Variants in GRM5 observed in about 807,000 individuals in gnomAD.
GRM5 encodes metabotropic glutamate receptor 5.
GRM5 carries 19 observed loss-of-function variants against 83.1 expected under a neutral mutation model. The observed-to-expected ratio is 0.23, with a 90% CI of 0.16 to 0.34. The LOEUF is 0.34. Ranked by LOEUF, GRM5 falls within the 10% of genes least tolerant of loss-of-function variation. The probability of loss-of-function intolerance (pLI) is 1.00; values close to 1 mark genes in which losing one functional copy is unlikely to be tolerated. For synonymous variants in GRM5, 675 were observed against 633.6 expected (o/e 1.07, Z -0.98); for missense variants, 1,160 against 1,588.3 (o/e 0.73, Z 4.58).
intron 5 of GRM5, among the ~76,000 whole-genome samples, chr11:88,598,909 G>C (rs1476751836): frequency 6.6e-6 from 1 of 152,196 alleles, no homozygotes; most frequent in South Asian, 2.1e-4. Flanking sequence ...AGTTCACACT[G>C]TTAATTTTAC....
rs564102571 is a variant in GRM5 at position 89,052,676 on chromosome 11, T to A, written c.-200-4604A>T. ...CTACACAAAATGCTTAGGACCAAAA[T>A]TCAGATACAGAATCTTTCAGATTTT... On this transcript the variant is annotated intron_variant, in intron 1 of 9. Transcript: ENST00000305447. 3.9e-5 allele frequency among the ~76,000 whole-genome samples: 6 copies of A among 152,218 alleles called. No homozygotes were observed. In the East Asian group the frequency reaches 1.2e-3, roughly 29 times the overall value.
intron 3 of GRM5, among the ~76,000 whole-genome samples, chr11:88,845,723 G>GCCCCCCC: frequency 1.1e-5 from 1 of 91,282 alleles, no homozygotes; most frequent in African/African-American, 4.6e-5. Context: ...ATGAACCACC[G>GCCCCCCC]CGCCCCCCCC....
At chr11:88,947,534 G>GT (rs1408589409) in intron 2 of GRM5, among the ~76,000 whole-genome samples, 419 of 144,966 alleles carry the variant, frequency 2.9e-3, no homozygotes, top group South Asian at 4.2e-3. Context: ...TGCATTGTTA[G>GT]TTTTTTTTTT....
chr11:88,745,631 T>G (rs1356636474), intron 3 of GRM5, among the ~76,000 whole-genome samples: 1 of 152,224 alleles, frequency 6.6e-6, no homozygotes, highest in Non-Finnish European at 1.5e-5. Context: ...CTTTTATGTT[T>G]CTTTTCTGTA....
intron 3 of GRM5, among the ~76,000 whole-genome samples, chr11:88,805,407 GTCTCAA>G (rs1315368332): frequency 6.6e-6 from 1 of 152,078 alleles, no homozygotes; most frequent in Non-Finnish European, 1.5e-5. Context: ...GGCCAGGATG[GTCTCAA>G]TCTCTTGACC....
chr11:88,845,040 A>G (rs1944273778), intron 3 of GRM5, among the ~76,000 whole-genome samples: 1 of 152,246 alleles, frequency 6.6e-6, no homozygotes, highest in South Asian at 2.1e-4. Flanking sequence ...TAAAGCAGTG[A>G]TAGAATTTGA....
rs61456975 is a variant in GRM5, at chr11:88,885,450, G to GTTTTTTTTT, written c.662-35304_662-35296dup. Among the ~76,000 whole-genome samples the GTTTTTTTTT allele has an allele frequency of 4.8e-4, 30 of 62,662 alleles. 5 individuals carry two copies. The highest frequency in any genetic ancestry group is 1.4e-3 in the African/African-American group (24 of 16,890). 41.1% of individuals were successfully genotyped at this position (62,662 alleles called of 152,430 possible). On this transcript the variant is annotated intron_variant, in intron 2 of 9. Transcript: ENST00000305447. ...TTCTGAATTCTATAGTAGGTACCAT[G>GTTTTTTTTT]TTTTTTTTTTTTTTTTTTTTTTTTT...
intron 2 of GRM5, among the ~76,000 whole-genome samples, chr11:88,971,163 C>A (rs1939153946): frequency 6.6e-6 from 1 of 152,062 alleles, no homozygotes; most frequent in African/African-American, 2.4e-5. Flanking sequence ...GTAGAAGCAC[C>A]AGTGTGCACA....
At chr11:88,671,136 A>G (rs1163226649) in intron 3 of GRM5, among the ~76,000 whole-genome samples, 2 of 151,750 alleles carry the variant, frequency 1.3e-5, no homozygotes, top group Non-Finnish European at 2.9e-5. Context: ...AACCAAAAAT[A>G]ACATCTCCAA....
chr11:88,566,906 C>T, intron 8 of GRM5, 147 bp downstream of exon 8: 1 of 597,876 alleles, frequency 1.7e-6, no homozygotes, highest in Non-Finnish European at 3.0e-6. Flanking sequence ...CCATAAATAC[C>T]ATTTTATGAG....
In GRM5 at chr11:88,574,478, A is replaced by G. The variant is rs190408380; in HGVS notation, c.1691-6486T>C. On this transcript the variant is annotated intron_variant, in intron 7 of 9. Transcript: ENST00000305447. The stretch of plus-strand genomic sequence containing the variant: ...ACGTGACATGTTTCATATTAGAAAT[A>G]TTCCTCGTGGGCAGGTGCAGTGGCT... 4.4e-4 allele frequency among the ~76,000 whole-genome samples: 67 copies of G among 152,226 alleles called. 1 individual carries two copies. Among genetic ancestry groups the G allele is most frequent in the Non-Finnish European group, 8.7e-4 (59 of 68,006 alleles).
intron 3 of GRM5, among the ~76,000 whole-genome samples, chr11:88,679,025 G>A (rs1311358008): frequency 3.3e-5 from 5 of 152,074 alleles, no homozygotes; most frequent in African/African-American, 7.2e-5. Flanking sequence ...GTTTTCATCC[G>A]AAGTTCAATG....
At chr11:88,787,779 AT>A (rs1943101107) in intron 3 of GRM5, among the ~76,000 whole-genome samples, 1 of 152,170 alleles carries the variant, frequency 6.6e-6, no homozygotes. Context: ...GGCTTTGGTA[AT>A]AAAATAATAT....
At chr11:88,738,307 T>C (rs1941961432) in intron 3 of GRM5, among the ~76,000 whole-genome samples, 1 of 152,010 alleles carries the variant, frequency 6.6e-6, no homozygotes, top group Non-Finnish European at 1.5e-5. Context: ...AAATCAATGA[T>C]CAGAACCACA....
chr11:88,531,266 T>A lies in GRM5; in HGVS notation c.2631-5862A>T, dbSNP rs184974459. On this transcript the variant is annotated intron_variant, in intron 8 of 9. Transcript: ENST00000305447. ...GCGTAGAAATGTCCTTAGGAGGGAA[T>A]TGGGTTTCAATTTAAGAAAACAACA... Among the ~76,000 whole-genome samples the A allele has an allele frequency of 2.6e-5, 4 of 152,126 alleles. No individual in the cohort carries two copies. The East Asian group carries it at 7.7e-4, about 29-fold the overall frequency.
At chr11:89,042,150 T>G (rs1353146673) in intron 2 of GRM5, among the ~76,000 whole-genome samples, 2 of 152,178 alleles carry the variant, frequency 1.3e-5, no homozygotes, top group African/African-American at 4.8e-5. Context: ...GTTCAAGCAA[T>G]TCTCCTGTGA....
At chr11:88,910,947 G>A (rs528392571) in intron 2 of GRM5, among the ~76,000 whole-genome samples, 1 of 151,852 alleles carries the variant, frequency 6.6e-6, no homozygotes, top group African/African-American at 2.4e-5. Flanking sequence ...CTAGAGAATG[G>A]GAACAAAAAC....
At chr11:88,850,810 A>T (rs316087) in intron 2 of GRM5, among the ~76,000 whole-genome samples, 115,643 of 151,860 alleles carry the variant, frequency 0.76, 44,839 homozygotes, top group East Asian at 0.99. Flanking sequence ...TTGATAAGGA[A>T]AAAAAGTTCA....
At chr11:88,690,186 A>C (rs1467976404) in intron 3 of GRM5, among the ~76,000 whole-genome samples, 3 of 152,154 alleles carry the variant, frequency 2.0e-5, no homozygotes, top group Non-Finnish European at 4.4e-5. Flanking sequence ...CAGAGGCATC[A>C]CAGTTTTATT....
Sources: allele counts gnomAD v4.1 joint callset (sites outside exome capture counted in the v4.1 genomes callset), GRCh38; gene constraint gnomAD v4.1.1; transcripts MANE v1.5; gene names NCBI Gene and HGNC (gene_info 2026-07-23, HGNC 2026-07-21).